SLC16A7: variants seen among roughly 807,000 people sequenced by gnomAD.
SLC16A7 encodes the protein monocarboxylate transporter 2.
SLC16A7 carries 33 observed loss-of-function variants against 34.9 expected under a neutral mutation model. The observed-to-expected ratio is 0.94, with a 90% CI of 0.72 to 1.26. SLC16A7 has a LOEUF of 1.26. Among genes scored for constraint, SLC16A7 ranks in the 50% most tolerant of loss-of-function variants. The pLI is 0.00. For missense variants in SLC16A7, 573 were observed against 578.1 expected (o/e 0.99, Z 0.09); for synonymous variants, 201 against 206.6 (o/e 0.97, Z 0.23).
intron 3 of SLC16A7, among the ~76,000 whole-genome samples, chr12:59,757,338 C>T (rs1226384119): frequency 1.3e-5 from 2 of 152,024 alleles, no homozygotes; most frequent in African/African-American, 2.4e-5. Context: ...ACCACCATGG[C>T]ACGTGTATAC....
In SLC16A7 at chr12:59,789,187, T is replaced by C; in HGVS notation, c.*9508T>C. ...ATCTAGCAAAGTGCCAGGCATAGAG[T>C]ATTCCTTTATTGAAATGAATTGATA... On this transcript the variant is annotated 3_prime_UTR_variant, in exon 6 of 6. Transcript: ENST00000547379. The C allele has an allele frequency of 6.6e-6, 1 of 152,090 alleles. No individual in the cohort carries two copies. Among genetic ancestry groups the C allele is most frequent in the East Asian group, 1.9e-4 (1 of 5,190 alleles). 9.4% of individuals were successfully genotyped at this position (152,090 alleles called of 1,614,324 possible).
At chr12:59,673,468 T>A (rs1870052224) in intron 2 of SLC16A7, among the ~76,000 whole-genome samples, 1 of 150,550 alleles carries the variant, frequency 6.6e-6, no homozygotes, top group Admixed American at 6.7e-5. Flanking sequence ...ACTAGGCAAG[T>A]TGTCAGCAAA....
At chr12:59,597,607 G>C (rs570234940) in intron 1 of SLC16A7, among the ~76,000 whole-genome samples, 6 of 152,306 alleles carry the variant, frequency 3.9e-5, no homozygotes, top group African/African-American at 1.4e-4. Context: ...TGAAAAATGA[G>C]AGTTGGGTGG....
At chr12:59,692,527 C>G (rs1871793047) in intron 2 of SLC16A7, among the ~76,000 whole-genome samples, 1 of 151,892 alleles carries the variant, frequency 6.6e-6, no homozygotes, top group Non-Finnish European at 1.5e-5. Flanking sequence ...CATAATTTTT[C>G]TGATTTTTGG....
chr12:59,729,208 A>G (rs1186795433), intron 3 of SLC16A7, among the ~76,000 whole-genome samples: 1 of 152,198 alleles, frequency 6.6e-6, no homozygotes, highest in East Asian at 1.9e-4. Flanking sequence ...TATTAAGGTT[A>G]CTGTTAAGGC....
In SLC16A7 at chr12:59,771,345, C is replaced by T. The variant is rs1461291522; in HGVS notation, c.344C>T (p.Thr115Ile). 6.2e-7 allele frequency: 1 copy of T among 1,605,372 alleles called. No homozygotes were observed. The part of the protein sequence containing the change: ...FSSSVVQLYL[T>I]MGFITGLGLA... ...AGCAGCGTGGTACAGCTGTACCTCA[C>T]TATGGGATTCATTACAGGTAAGCCA... is the stretch of plus-strand genomic sequence containing the variant. Residue 115 changes from threonine to isoleucine, a missense_variant, in exon 4 of 6, where the codon ACT becomes ATT. Thr to Ile is a moderately conservative substitution (Grantham distance 89). Coordinates refer to ENST00000547379, the MANE Select transcript of SLC16A7 (RefSeq NM_001270623.2).
At chr12:59,643,838 T>C (rs1880789347) in intron 1 of SLC16A7, among the ~76,000 whole-genome samples, 1 of 152,204 alleles carries the variant, frequency 6.6e-6, no homozygotes, top group African/African-American at 2.4e-5. Context: ...GGTGTTACAC[T>C]TCAATAGGTT....
intron 1 of SLC16A7, among the ~76,000 whole-genome samples, chr12:59,622,470 T>C (rs189503799): frequency 3.5e-4 from 53 of 152,056 alleles, no homozygotes; most frequent in African/African-American, 1.2e-3. Context: ...ATATGTGTTA[T>C]ATATTCTGTA....
chr12:59,758,827 A>G (rs1002819781), intron 3 of SLC16A7, among the ~76,000 whole-genome samples: 1 of 152,072 alleles, frequency 6.6e-6, no homozygotes, highest in Non-Finnish European at 1.5e-5. Flanking sequence ...TTGGGCATCA[A>G]TTTATGACAA....
intron 5 of SLC16A7, 33 bp from the exon 6 acceptor site, chr12:59,779,390 A>T (rs780582457): frequency 2.0e-6 from 3 of 1,506,672 alleles, no homozygotes; most frequent in Non-Finnish European, 2.7e-6. Flanking sequence ...CTGTTTTATT[A>T]TGCCAACTTA....
intron 2 of SLC16A7, among the ~76,000 whole-genome samples, chr12:59,674,662 G>T (rs188349901): frequency 2.0e-5 from 3 of 152,286 alleles, no homozygotes; most frequent in African/African-American, 7.2e-5. Context: ...AGTAAGAGGT[G>T]CTGGGATGAA....
chr12:59,660,820 T>C (rs1436843383), intron 2 of SLC16A7, among the ~76,000 whole-genome samples: 6 of 152,156 alleles, frequency 3.9e-5, no homozygotes, highest in Admixed American at 3.9e-4. Flanking sequence ...TGGAAGGATC[T>C]CATACCCTGT....
intron 3 of SLC16A7, among the ~76,000 whole-genome samples, chr12:59,752,873 CA>C (rs1879760264): frequency 6.6e-6 from 1 of 152,162 alleles, no homozygotes; most frequent in African/African-American, 2.4e-5. Context: ...GGGTTACCCA[CA>C]AAGGGAAGCC....
At chr12:59,633,941 C>T (rs913705339) in intron 1 of SLC16A7, among the ~76,000 whole-genome samples, 2 of 152,064 alleles carry the variant, frequency 1.3e-5, no homozygotes, top group Non-Finnish European at 2.9e-5. Flanking sequence ...GGACACAGAG[C>T]CAAACCATAT....
At chr12:59,601,666 C>A (rs1275557588) in intron 1 of SLC16A7, among the ~76,000 whole-genome samples, 4 of 152,110 alleles carry the variant, frequency 2.6e-5, no homozygotes, top group Admixed American at 6.5e-5. Context: ...AGCTTATGAA[C>A]AACAGAAATT....
At chr12:59,662,568 C>G (rs1868912527) in intron 2 of SLC16A7, among the ~76,000 whole-genome samples, 1 of 152,068 alleles carries the variant, frequency 6.6e-6, no homozygotes, top group African/African-American at 2.4e-5. Flanking sequence ...TCCTGGTGAA[C>G]AGGTCTGTTT....
chr12:59,758,313 AATTT>A (rs1233039780), intron 3 of SLC16A7, among the ~76,000 whole-genome samples: 1 of 152,126 alleles, frequency 6.6e-6, no homozygotes, highest in East Asian at 1.9e-4. Flanking sequence ...ATTAGATTTT[AATTT>A]ATTAAAGGAT....
intron 1 of SLC16A7, among the ~76,000 whole-genome samples, chr12:59,624,227 A>G (rs1421771461): frequency 1.3e-5 from 2 of 151,604 alleles, no homozygotes; most frequent in African/African-American, 4.8e-5. Context: ...TTTTACTCAT[A>G]TCTCTTTTTT....
intron 2 of SLC16A7, among the ~76,000 whole-genome samples, chr12:59,693,034 A>C (rs1303955416): frequency 2.0e-5 from 3 of 152,004 alleles, no homozygotes; most frequent in African/African-American, 4.8e-5. Flanking sequence ...TAGCCAAAAA[A>C]CCAGACAATT....
Sources: allele counts gnomAD v4.1 joint callset (sites outside exome capture counted in the v4.1 genomes callset), GRCh38; gene constraint gnomAD v4.1.1; transcripts MANE v1.5; gene names NCBI Gene and HGNC (gene_info 2026-07-23, HGNC 2026-07-21).